The following PCSK6 variants were observed in gnomAD, a reference collection of about 807,000 sequenced individuals.
PCSK6 encodes proprotein convertase subtilisin/kexin type 6.
A neutral mutation model predicts 123.3 loss-of-function variants in PCSK6; 85 were observed. That is an observed-to-expected ratio of 0.69 (90% CI 0.58 to 0.83). The LOEUF (loss-of-function observed/expected upper bound fraction) is 0.83. Ranked by LOEUF, PCSK6 falls within the 40% of genes least tolerant of loss-of-function variation. The pLI, the probability that PCSK6 is intolerant of heterozygous loss-of-function variation, is 0.00. For missense variants in PCSK6, 1,191 were observed against 1,282.3 expected (o/e 0.93, Z 1.09); for synonymous variants, 508 against 516.0 (o/e 0.98, Z 0.21).
chr15:101,407,956 A>G (rs2042828181), intron 6 of PCSK6, among the ~76,000 whole-genome samples: 1 of 152,262 alleles, frequency 6.6e-6, no homozygotes, highest in African/African-American at 2.4e-5. Flanking sequence ...AAAACCTGGA[A>G]AAGCCTTAGC....
chr15:101,326,335 G>C (rs1379728808), intron 16 of PCSK6, 42 bp downstream of exon 16: 3 of 1,486,338 alleles, frequency 2.0e-6, no homozygotes, highest in Non-Finnish European at 2.8e-6. Flanking sequence ...CAACTGGAAA[G>C]TCACTGAGTG....
chr15:101,339,502 T>C (rs1330862622), intron 13 of PCSK6, among the ~76,000 whole-genome samples: 1 of 152,194 alleles, frequency 6.6e-6, no homozygotes, highest in Non-Finnish European at 1.5e-5. Context: ...TTTATAAAAA[T>C]ATACAAAAAC....
At position 101,489,704 on chromosome 15, in the gene PCSK6, G is replaced by T. The variant is rs1489399128; in HGVS notation, c.-34C>A. ...CAGGCTCGCGCGGCGCCCGAGCTGC[G>T]AGTGCGCCGGGGGGTGGAGTGCCGC... On this transcript the variant is annotated 5_prime_UTR_variant, in exon 1 of 22. Coordinates refer to ENST00000611716, the MANE Select transcript of PCSK6 (RefSeq NM_002570.5). 5.4e-6 allele frequency: 5 copies of T among 927,254 alleles called. No individual in the cohort carries two copies. In the African/African-American group the frequency reaches 7.2e-5, roughly 13 times the overall value. The allele number at this position is 927,254 out of a possible 1,614,324, so 57.4% of individuals were successfully genotyped here. A position where few individuals can be genotyped will look rare whatever the true frequency, so the allele number is the denominator to read the frequency against.
At chr15:101,329,457 G>A (rs532196890) in intron 15 of PCSK6, among the ~76,000 whole-genome samples, 2 of 152,244 alleles carry the variant, frequency 1.3e-5, no homozygotes, top group African/African-American at 4.8e-5. Context: ...GTGCCCACGA[G>A]AATAAGAGTA....
At chr15:101,409,628 G>A (rs897766762) in intron 6 of PCSK6, among the ~76,000 whole-genome samples, 6 of 151,326 alleles carry the variant, frequency 4.0e-5, no homozygotes, top group African/African-American at 1.5e-4. Context: ...ATAATGCAGT[G>A]TCCCTCATGA....
At chr15:101,370,231 G>T (rs1278134977) in intron 12 of PCSK6, 104 bp downstream of exon 12, 2 of 967,350 alleles carry the variant, frequency 2.1e-6, no homozygotes. Context: ...CCCAACGCCA[G>T]AGGGCCTTGC....
At chr15:101,397,375 T>C (rs1372751146) in intron 7 of PCSK6, among the ~76,000 whole-genome samples, 1 of 152,184 alleles carries the variant, frequency 6.6e-6, no homozygotes, top group Admixed American at 6.5e-5. Context: ...ACTATCCGAC[T>C]GACTTACTAG....
Position 101,427,992 on chromosome 15 carries a change from GA to G in PCSK6, c.735-13del. On this transcript the variant is annotated splice_polypyrimidine_tract_variant and intron_variant, in intron 5 of 21. Coordinates refer to ENST00000611716, the MANE Select transcript of PCSK6 (RefSeq NM_002570.5). ...AACGAGTGCCGTGTCTGAAACAAAG[GA>G]AAAAACCAAGTGAGGACGCAGCCCA... is the stretch of plus-strand genomic sequence containing the variant. 1 of 1,561,096 alleles carries G rather than the reference GA, an allele frequency of 6.4e-7. No individual in the cohort carries two copies.
At position 101,393,427 on chromosome 15, in the gene PCSK6, G is replaced by A; in HGVS notation, c.997-3C>T. 1 of 1,601,330 alleles carries A rather than the reference G, an allele frequency of 6.2e-7. No individual in the cohort carries two copies. The highest frequency in any genetic ancestry group is 8.5e-7 in the Non-Finnish European group (1 of 1,175,350). ...ATGGAGCCCAGGCCCTGCCGGCCCT[G>A]GAGGGACAAGAGGAACAAGGCTTAG... On this transcript the variant is annotated splice_region_variant and splice_polypyrimidine_tract_variant and intron_variant, in intron 7 of 21. Coordinates refer to ENST00000611716, the MANE Select transcript of PCSK6 (RefSeq NM_002570.5).
chr15:101,420,134 T>C lies in PCSK6; in HGVS notation c.823+7758A>G, dbSNP rs963273121. 2.1e-5 allele frequency among the ~76,000 whole-genome samples: 3 copies of C among 144,642 alleles called. No homozygotes were observed. In the Admixed American group the frequency reaches 2.2e-4, roughly 11 times the overall value. The allele number at this position is 144,642 out of a possible 152,430, so 94.9% of individuals were successfully genotyped here. On this transcript the variant is annotated intron_variant, in intron 6 of 21. Transcript: ENST00000611716. Reference sequence around the variant, plus strand: ...TGAACCCAGGAGGTGGAGGTTGCAGTGAGCTGAGATCATGCTACTGCACTC... The same window carrying C: ...TGAACCCAGGAGGTGGAGGTTGCAGCGAGCTGAGATCATGCTACTGCACTC...
chr15:101,416,120 C>A (rs569822758), intron 6 of PCSK6, among the ~76,000 whole-genome samples: 2 of 152,302 alleles, frequency 1.3e-5, no homozygotes, highest in East Asian at 3.9e-4. Flanking sequence ...AAGTTTGGAA[C>A]CTCCTAGAGA....
At chr15:101,446,236 G>C (rs2056886515) in intron 1 of PCSK6, among the ~76,000 whole-genome samples, 1 of 152,372 alleles carries the variant, frequency 6.6e-6, no homozygotes, top group Non-Finnish European at 1.5e-5. Context: ...TGCAGAAGAA[G>C]CTGGAATCAC....
At position 101,393,224 on chromosome 15, in the gene PCSK6, A is replaced by G. The variant is rs764161534; in HGVS notation, c.1197T>C (p.Tyr399=). The G allele has an allele frequency of 2.5e-6, 4 of 1,613,192 alleles. No individual in the cohort carries two copies. Among genetic ancestry groups the G allele is most frequent in the Non-Finnish European group, 3.4e-6 (4 of 1,179,658 alleles). The stretch of plus-strand genomic sequence containing the variant: ...CAAGAGAACTTACGATTTTTCGCTC[A>G]TAAAAGGCCCCACTGCTGTAGGTGG... ...LATTYSSGAF[Y]ERKIVTTDLR... is the part of the protein sequence containing the mutation. The change falls in exon 8 of 22, where the codon TAT becomes TAC. Residue 399 remains tyrosine (Y), a synonymous_variant. Coordinates refer to ENST00000611716, the MANE Select transcript of PCSK6 (RefSeq NM_002570.5).
At chr15:101,311,501 G>A (rs972584323) in intron 20 of PCSK6, among the ~76,000 whole-genome samples, 10 of 151,962 alleles carry the variant, frequency 6.6e-5, no homozygotes, top group South Asian at 4.1e-4. Flanking sequence ...GAGTGAAGAC[G>A]CTGGGCAGAT....
intron 2 of PCSK6, among the ~76,000 whole-genome samples, chr15:101,432,613 C>T (rs1475957921): frequency 6.9e-6 from 1 of 145,070 alleles, no homozygotes; most frequent in East Asian, 2.0e-4. Context: ...CTGGGCAACA[C>T]AGCAAGACCC....
chr15:101,472,143 C>T lies in PCSK6; in HGVS notation c.297+17231G>A, dbSNP rs116242089. Among the ~76,000 whole-genome samples the T allele has an allele frequency of 3.6e-3, 556 of 152,346 alleles. 3 individuals carry two copies. The highest frequency in any genetic ancestry group is 0.013 in the African/African-American group (542 of 41,584). On this transcript the variant is annotated intron_variant, in intron 1 of 21. Transcript: ENST00000611716. ...AACCCAGCAAGGGGACACAGGCAGACCAGAGACATGCTCTGACTGACGGCA... is the reference window on the plus strand; with the variant it reads ...AACCCAGCAAGGGGACACAGGCAGATCAGAGACATGCTCTGACTGACGGCA...
chr15:101,461,193 TCAAG>T (rs1207435682), intron 1 of PCSK6, among the ~76,000 whole-genome samples: 3 of 152,082 alleles, frequency 2.0e-5, no homozygotes, highest in Non-Finnish European at 4.4e-5. Context: ...TAACCGCAGA[TCAAG>T]CAGAGGTTTA....
chr15:101,433,680 G>C (rs887408954), intron 2 of PCSK6, among the ~76,000 whole-genome samples: 2 of 152,254 alleles, frequency 1.3e-5, no homozygotes, highest in African/African-American at 4.8e-5. Context: ...CTGGAAGCTA[G>C]AACAGAGCTA....
chr15:101,393,660 G>A (rs966522591), intron 7 of PCSK6, among the ~76,000 whole-genome samples: 1 of 152,196 alleles, frequency 6.6e-6, no homozygotes, highest in Non-Finnish European at 1.5e-5. Flanking sequence ...TCATACGAGG[G>A]GAAGGGGCCA....
Sources: gnomAD v4.1 joint callset for allele counts (sites outside exome capture counted in the v4.1 genomes callset) on GRCh38, gnomAD v4.1.1 for gene constraint, MANE v1.5 for transcripts, NCBI Gene and HGNC (gene_info 2026-07-23, HGNC 2026-07-21) for gene names.